ARID4A: variants seen among roughly 807,000 people sequenced by gnomAD.
ARID4A encodes AT-rich interaction domain 4A.
In ARID4A, 39 loss-of-function variants were observed where a neutral mutation model predicts 148.6. The ratio of observed to expected loss-of-function variants is 0.26; its 90% CI spans 0.20 to 0.34. The LOEUF (loss-of-function observed/expected upper bound fraction) is 0.34, where lower values mean the gene tolerates loss of function less well. ARID4A is among the 10% of genes least tolerant of loss of function. The pLI is 1.00. For synonymous variants in ARID4A, 475 were observed against 481.2 expected (o/e 0.99, Z 0.17); for missense variants, 1,265 against 1,449.1 (o/e 0.87, Z 2.06).
chr14:58,317,124 C>T (rs1327576510), intron 5 of ARID4A, among the ~76,000 whole-genome samples: 1 of 140,468 alleles, frequency 7.1e-6, no homozygotes, highest in Non-Finnish European at 1.5e-5. Context: ...ACCCGGGAGG[C>T]GGAGCTTGCA....
chr14:58,312,211 T>G (rs2032092051), intron 5 of ARID4A, among the ~76,000 whole-genome samples: 1 of 151,808 alleles, frequency 6.6e-6, no homozygotes, highest in Non-Finnish European at 1.5e-5. Context: ...ATACTATTAA[T>G]GTTAAATTTT....
intron 11 of ARID4A, among the ~76,000 whole-genome samples, chr14:58,337,245 T>TA (rs58542879): frequency 0.038 from 4,487 of 117,722 alleles, 220 homozygotes; most frequent in African/African-American, 0.059. Context: ...CTTCTCTTTA[T>TA]TTATATATAT....
chr14:58,299,891 G>A (rs766071270), intron 2 of ARID4A, 31 bp downstream of exon 2: 20 of 1,614,052 alleles, frequency 1.2e-5, no homozygotes, highest in Middle Eastern at 1.6e-4. Context: ...CCCGATCCTC[G>A]CGCCCTGAAC....
At chr14:58,371,740 C>A in intron 23 of ARID4A, 146 bp from the exon 24 acceptor site, 1 of 680,398 alleles carries the variant, frequency 1.5e-6, no homozygotes, top group Non-Finnish European at 2.5e-6. Flanking sequence ...AAAATTTTTG[C>A]TGACAATTTG....
In ARID4A at chr14:58,330,048, A is replaced by C. The variant is rs755774185; in HGVS notation, c.785A>C (p.Asp262Ala). ...TTCTTAAAAACTAGAGTTGTTCCTG[A>C]TAATTGGAAAATGGATATAAGTGAA... ...SIFLKTRVVPDNWKMDISEIL... is the reference protein window; with the variant it reads ...SIFLKTRVVPANWKMDISEIL... Residue 262 changes from aspartate to alanine, a missense_variant, in exon 11 of 24, where the codon GAT becomes GCT. Transcript: ENST00000355431. 11 of 1,612,496 alleles carry C rather than the reference A, an allele frequency of 6.8e-6. No homozygotes were observed. The highest frequency in any genetic ancestry group is 9.3e-6 in the Non-Finnish European group (11 of 1,179,628).
Position 58,332,008 on chromosome 14 carries a change from C to CA in ARID4A, c.906+1845dup, listed in dbSNP as rs1296455738. Among the ~76,000 whole-genome samples, 56 of 98,914 alleles carry CA rather than the reference C, an allele frequency of 5.7e-4. 1 individual carries two copies. Among genetic ancestry groups the CA allele is most frequent in the East Asian group, 3.6e-3 (13 of 3,646 alleles). The allele number at this position is 98,914 out of a possible 152,430, so 64.9% of individuals were successfully genotyped here. A position where few individuals can be genotyped will look rare whatever the true frequency, so the allele number is the denominator to read the frequency against. ...TGCATTTTCCCTACCCCCCCCCCCC[C>CA]AAAAAACCCTGAAATTTTAAACAAA... On this transcript the variant is annotated intron_variant, in intron 11 of 23. Transcript: ENST00000355431.
At chr14:58,308,105 A>G (rs2031751108) in intron 5 of ARID4A, among the ~76,000 whole-genome samples, 1 of 152,220 alleles carries the variant, frequency 6.6e-6, no homozygotes, top group African/African-American at 2.4e-5. Context: ...TTCAATTATG[A>G]ATAGCAACCT....
chr14:58,344,043 T>C (rs1400926405), intron 11 of ARID4A, among the ~76,000 whole-genome samples: 1 of 152,148 alleles, frequency 6.6e-6, no homozygotes, highest in Non-Finnish European at 1.5e-5. Context: ...GTTATCTTAT[T>C]TTTAGGTGTT....
chr14:58,340,603 G>C (rs2034069785), intron 11 of ARID4A, among the ~76,000 whole-genome samples: 1 of 152,152 alleles, frequency 6.6e-6, no homozygotes, highest in Non-Finnish European at 1.5e-5. Flanking sequence ...GCCCATCTCG[G>C]CCTCCCAAAG....
At chr14:58,305,567 C>G (rs1310381462) in intron 4 of ARID4A, among the ~76,000 whole-genome samples, 2 of 152,078 alleles carry the variant, frequency 1.3e-5, no homozygotes, top group African/African-American at 4.8e-5. Context: ...TCCAGGTGAA[C>G]CTTTATCTAA....
At chr14:58,322,866 G>A (rs1304405579) in intron 7 of ARID4A, among the ~76,000 whole-genome samples, 1 of 149,056 alleles carries the variant, frequency 6.7e-6, no homozygotes, top group African/African-American at 2.5e-5. Context: ...GGAGGCTGAG[G>A]CAGGAGAATC....
chr14:58,345,773 C>G (rs1231546639), intron 12 of ARID4A, among the ~76,000 whole-genome samples: 2 of 117,360 alleles, frequency 1.7e-5, no homozygotes, highest in African/African-American at 3.3e-5. Flanking sequence ...CTCTGTCACT[C>G]AAGCTGGAGT....
At chr14:58,305,127 A>G (rs534387194) in intron 4 of ARID4A, 118 bp downstream of exon 4, 1 of 783,054 alleles carries the variant, frequency 1.3e-6, no homozygotes, top group Non-Finnish European at 2.0e-6. Flanking sequence ...AAAACAATAC[A>G]TATGAAGGGT....
intron 4 of ARID4A, among the ~76,000 whole-genome samples, chr14:58,305,674 G>A (rs2145595): frequency 6.6e-6 from 1 of 152,014 alleles, no homozygotes; most frequent in Non-Finnish European, 1.5e-5. Flanking sequence ...ACAGTTCTTC[G>A]ATTTAATTTT....
rs2033019679 is a variant in ARID4A, at chr14:58,323,370, C to CTA, written c.450-114_450-113dup. 5 of 1,175,072 alleles carry CTA rather than the reference C, an allele frequency of 4.3e-6. No individual in the cohort carries two copies. The South Asian group carries it at 7.7e-5, about 18-fold the overall frequency. 72.8% of individuals were successfully genotyped at this position (1,175,072 alleles called of 1,614,324 possible). ...TTCAGTTACAATAAGAATGGAGAGGCTACTACTTTAGGGTGTAGTCCATTA... is the reference window on the plus strand; with the variant it reads ...TTCAGTTACAATAAGAATGGAGAGGCTATACTACTTTAGGGTGTAGTCCATTA... On this transcript the variant is annotated intron_variant, in intron 7 of 23. Transcript: ENST00000355431.
chr14:58,346,369 A>G, intron 12 of ARID4A, 42 bp from the exon 13 acceptor site: 1 of 1,408,726 alleles, frequency 7.1e-7, no homozygotes, highest in African/African-American at 1.4e-5. Context: ...AGTATTTCTC[A>G]TTTGAATAAA....
chr14:58,347,425 T>G (rs911696833), intron 14 of ARID4A, among the ~76,000 whole-genome samples: 3 of 152,212 alleles, frequency 2.0e-5, no homozygotes, highest in Non-Finnish European at 4.4e-5. Flanking sequence ...ATGATAGTTA[T>G]GTTTAGCTAT....
chr14:58,371,392 G>A (rs1220102560), intron 23 of ARID4A, among the ~76,000 whole-genome samples: 3 of 152,142 alleles, frequency 2.0e-5, no homozygotes, highest in Non-Finnish European at 4.4e-5. Flanking sequence ...TGTCCTCCTG[G>A]AGAAAATTAT....
intron 11 of ARID4A, among the ~76,000 whole-genome samples, chr14:58,334,290 A>G (rs2033686587): frequency 6.6e-6 from 1 of 152,196 alleles, no homozygotes; most frequent in South Asian, 2.1e-4. Context: ...GATGATTAAA[A>G]TGTGTACCTT....
Sources: gnomAD v4.1 joint callset for allele counts (sites outside exome capture counted in the v4.1 genomes callset) on GRCh38, gnomAD v4.1.1 for gene constraint, MANE v1.5 for transcripts, NCBI Gene and HGNC (gene_info 2026-07-23, HGNC 2026-07-21) for gene names.